Variants in SORCS2 observed in about 807,000 individuals in gnomAD.
SORCS2 encodes the protein VPS10 domain-containing receptor SorCS2.
Under a neutral mutation model 141.6 loss-of-function variants are expected in SORCS2, and 100 were observed. That is an observed-to-expected ratio of 0.71 (90% CI 0.60 to 0.83). SORCS2 has a LOEUF of 0.83. SORCS2 is among the 40% of genes least tolerant of loss of function. The pLI is 0.00. For synonymous variants in SORCS2, 789 were observed against 676.9 expected, an observed-to-expected ratio of 1.17 and a Z score of -2.57; for missense variants, 1,646 against 1,560.2, an observed-to-expected ratio of 1.05 and a Z score of -0.93.
At chr4:7,531,888 T>G (rs1310757303) in intron 3 of SORCS2, among the ~76,000 whole-genome samples, 2 of 152,100 alleles carry the variant, frequency 1.3e-5, no homozygotes, top group African/African-American at 4.8e-5. Context: ...CTGGTTGGGG[T>G]GGGGGCATGC....
chr4:7,731,539 A>G (rs1711682679), intron 23 of SORCS2, among the ~76,000 whole-genome samples: 1 of 152,244 alleles, frequency 6.6e-6, no homozygotes, highest in South Asian at 2.1e-4. Context: ...AAAAAGCTGG[A>G]AGCGTCACAC....
intron 1 of SORCS2, among the ~76,000 whole-genome samples, chr4:7,319,581 G>C (rs1007855708): frequency 2.0e-5 from 3 of 151,884 alleles, no homozygotes; most frequent in Admixed American, 1.3e-4. Flanking sequence ...AGGCATAGTG[G>C]TGCATGCTTG....
At chr4:7,475,749 C>T (rs982103035) in intron 2 of SORCS2, among the ~76,000 whole-genome samples, 2 of 152,260 alleles carry the variant, frequency 1.3e-5, no homozygotes, top group Admixed American at 6.5e-5. Flanking sequence ...ACCCCTGCTC[C>T]CCGCTCTTAC....
intron 2 of SORCS2, among the ~76,000 whole-genome samples, chr4:7,398,810 G>A (rs1724384748): frequency 6.6e-6 from 1 of 152,176 alleles, no homozygotes; most frequent in African/African-American, 2.4e-5. Context: ...TATTGATGCT[G>A]CCATAAAAAA....
In SORCS2 at chr4:7,352,026, C is replaced by G. The variant is rs562610275; in HGVS notation, c.481-44262C>G. Reference sequence around the variant, plus strand: ...CCCATCCACCCCTTAATCCATTAATCCATTTATCTACCCGTCCACCCACCC... The same window carrying G: ...CCCATCCACCCCTTAATCCATTAATGCATTTATCTACCCGTCCACCCACCC... On this transcript the variant is annotated intron_variant, in intron 1 of 26. Coordinates refer to ENST00000507866, the MANE Select transcript of SORCS2 (RefSeq NM_020777.3). Among the ~76,000 whole-genome samples, 28 of 152,172 alleles carry G rather than the reference C, an allele frequency of 1.8e-4. No homozygotes were observed. In the South Asian group the frequency reaches 5.4e-3, roughly 29 times the overall value.
chr4:7,307,845 G>T (rs1477848362), intron 1 of SORCS2, among the ~76,000 whole-genome samples: 1 of 151,882 alleles, frequency 6.6e-6, no homozygotes, highest in Non-Finnish European at 1.5e-5. Context: ...GTGCATGAGT[G>T]TGTGTGCTTG....
At chr4:7,546,619 C>G (rs984160497) in intron 3 of SORCS2, among the ~76,000 whole-genome samples, 1 of 152,196 alleles carries the variant, frequency 6.6e-6, no homozygotes, top group Non-Finnish European at 1.5e-5. Context: ...ACCTGGCCCC[C>G]AAGGTCATCG....
At chr4:7,620,347 C>T (rs374786859) in intron 3 of SORCS2, among the ~76,000 whole-genome samples, 31 of 152,330 alleles carry the variant, frequency 2.0e-4, no homozygotes, top group African/African-American at 5.8e-4. Flanking sequence ...GGCAGTCTCT[C>T]AGCTTTTTAG....
chr4:7,448,166 C>T (rs928539213), intron 2 of SORCS2, among the ~76,000 whole-genome samples: 3 of 152,164 alleles, frequency 2.0e-5, no homozygotes, highest in Non-Finnish European at 2.9e-5. Context: ...GTGTTTCGTG[C>T]CCCCCACTGT....
chr4:7,302,005 A>G (rs1345203674), intron 1 of SORCS2, among the ~76,000 whole-genome samples: 1 of 152,206 alleles, frequency 6.6e-6, no homozygotes, highest in Non-Finnish European at 1.5e-5. Context: ...TCCCACCGGG[A>G]CGCACAGGCA....
intron 1 of SORCS2, among the ~76,000 whole-genome samples, chr4:7,208,804 C>T (rs1010523463): frequency 1.3e-5 from 2 of 152,268 alleles, no homozygotes; most frequent in African/African-American, 4.8e-5. Context: ...GCCCCGGGCC[C>T]TGGTCCGAGT....
Position 7,266,034 on chromosome 4 carries a change from G to A in SORCS2, c.480+72908G>A, listed in dbSNP as rs143434078. Among the ~76,000 whole-genome samples, 425 of 152,154 alleles carry A rather than the reference G, an allele frequency of 2.8e-3. 1 individual carries two copies. Among genetic ancestry groups the A allele is most frequent in the African/African-American group, 9.2e-3 (383 of 41,506 alleles). ...ACCTGTCTCCCTGTTCTCCTTTCCC[G>A]GCCCTGCACTTCCACAAGACTCAGA... is the stretch of plus-strand genomic sequence containing the variant. On this transcript the variant is annotated intron_variant, in intron 1 of 26. Transcript: ENST00000507866.
chr4:7,204,788 G>T (rs1727647710), intron 1 of SORCS2, among the ~76,000 whole-genome samples: 1 of 152,202 alleles, frequency 6.6e-6, no homozygotes, highest in Non-Finnish European at 1.5e-5. Flanking sequence ...ATCTCTCTGA[G>T]CCCAGGAAAT....
At chr4:7,456,525 C>T (rs73086393) in intron 2 of SORCS2, among the ~76,000 whole-genome samples, 3,009 of 152,096 alleles carry the variant, frequency 0.02, 111 homozygotes, top group African/African-American at 0.069. Flanking sequence ...ATGGTCCGGG[C>T]ACTGTTGTCC....
chr4:7,267,232 C>G (rs1011694034), intron 1 of SORCS2, among the ~76,000 whole-genome samples: 2 of 152,210 alleles, frequency 1.3e-5, no homozygotes, highest in Admixed American at 1.3e-4. Context: ...TCTTACCCTT[C>G]TGGTATAACT....
chr4:7,473,624 C>T lies in SORCS2; in HGVS notation c.549-57906C>T, dbSNP rs1013857329. On this transcript the variant is annotated intron_variant, in intron 2 of 26. Coordinates refer to ENST00000507866, the MANE Select transcript of SORCS2 (RefSeq NM_020777.3). Reference sequence around the variant, plus strand: ...GACAGAATCGGGTCACAAAGGGCCCCGAATGCCAAGCATAGGCGTGTCCGT... The same window carrying T: ...GACAGAATCGGGTCACAAAGGGCCCTGAATGCCAAGCATAGGCGTGTCCGT... Among the ~76,000 whole-genome samples, 49 of 152,252 alleles carry T rather than the reference C, an allele frequency of 3.2e-4. 1 individual carries two copies. Among genetic ancestry groups the T allele is most frequent in the African/African-American group, 4.8e-4 (20 of 41,548 alleles).
At chr4:7,425,341 TTGAGA>T (rs1726357899) in intron 2 of SORCS2, among the ~76,000 whole-genome samples, 1 of 152,128 alleles carries the variant, frequency 6.6e-6, no homozygotes, top group South Asian at 2.1e-4. Flanking sequence ...AGACGTCCCC[TTGAGA>T]TGAGATGACC....
chr4:7,594,724 G>T (rs1369546334), intron 3 of SORCS2, among the ~76,000 whole-genome samples: 1 of 152,152 alleles, frequency 6.6e-6, no homozygotes, highest in African/African-American at 2.4e-5. Flanking sequence ...GTGTCTATGA[G>T]TGGGTGTCTT....
intron 2 of SORCS2, among the ~76,000 whole-genome samples, chr4:7,417,986 G>A (rs1328694476): frequency 6.6e-6 from 1 of 152,200 alleles, no homozygotes; most frequent in South Asian, 2.1e-4. Flanking sequence ...GAGCTTCATG[G>A]CTGGTGTCTG....
Sources: allele counts gnomAD v4.1 joint callset (sites outside exome capture counted in the v4.1 genomes callset), GRCh38; gene constraint gnomAD v4.1.1; transcripts MANE v1.5; gene names NCBI Gene and HGNC (gene_info 2026-07-23, HGNC 2026-07-21).